SPOPL: variants seen among roughly 807,000 people sequenced by gnomAD.
SPOPL encodes speckle type BTB/POZ protein like, also known as speckle-type POZ protein-like.
A neutral mutation model predicts 53.8 loss-of-function variants in SPOPL; 23 were observed. The ratio of observed to expected loss-of-function variants is 0.43; its 90% CI spans 0.31 to 0.61. SPOPL has a LOEUF of 0.61. SPOPL is among the 20% of genes least tolerant of loss of function. The pLI, the probability that SPOPL is intolerant of heterozygous loss-of-function variation, is 0.12. For synonymous variants in SPOPL, 164 were observed against 149.7 expected (o/e 1.10, Z -0.70); for missense variants, 442 against 466.9 (o/e 0.95, Z 0.49).
intron 8 of SPOPL, 69 bp downstream of exon 8, chr2:138,560,996 A>G (rs1685534146): frequency 2.6e-6 from 4 of 1,541,928 alleles, no homozygotes; most frequent in Non-Finnish European, 3.5e-6. Flanking sequence ...GCTGTCATCA[A>G]ATGAAAACTC....
At chr2:138,552,486 T>C in intron 4 of SPOPL, 68 bp from the exon 5 acceptor site, 11 of 1,509,202 alleles carry the variant, frequency 7.3e-6, no homozygotes, top group Non-Finnish European at 8.9e-6. Context: ...TTTATTTAAC[T>C]GTGTTACCAT....
At chr2:138,507,559 A>G (rs1417118178) in intron 1 of SPOPL, among the ~76,000 whole-genome samples, 1 of 152,250 alleles carries the variant, frequency 6.6e-6, no homozygotes, top group Non-Finnish European at 1.5e-5. Context: ...GTCAAGTTAC[A>G]CAGGTGGAGA....
intron 1 of SPOPL, among the ~76,000 whole-genome samples, chr2:138,510,933 G>A (rs1684311233): frequency 6.6e-6 from 1 of 152,090 alleles, no homozygotes; most frequent in Admixed American, 6.5e-5. Context: ...TTTTTTTGGT[G>A]ACAACACTTA....
intron 1 of SPOPL, among the ~76,000 whole-genome samples, chr2:138,521,517 T>G (rs1684557280): frequency 6.6e-6 from 1 of 152,196 alleles, no homozygotes; most frequent in Non-Finnish European, 1.5e-5. Context: ...GGCGTTATAT[T>G]GTGTACACAG....
chr2:138,561,319 G>T (rs1448136570), intron 8 of SPOPL, among the ~76,000 whole-genome samples: 1 of 151,996 alleles, frequency 6.6e-6, no homozygotes, highest in Non-Finnish European at 1.5e-5. Context: ...TCTCCACATA[G>T]AGATTGTTTT....
intron 1 of SPOPL, among the ~76,000 whole-genome samples, chr2:138,541,020 T>G (rs112506174): frequency 2.6e-5 from 4 of 152,242 alleles, no homozygotes; most frequent in Admixed American, 2.0e-4. Flanking sequence ...TTTTTCATTG[T>G]TTCTGTTTAT....
chr2:138,568,952 A>T lies in SPOPL; in HGVS notation c.1051A>T (p.Met351Leu). ...NWNSNQATDI[M>L]ETSGWKSMIQ... ...ATTTTTCAGCCAAGCAACCGACATA[A>T]TGGAAACATCAGGGTGGAAGTCCAT... is the stretch of plus-strand genomic sequence containing the variant. Residue 351 changes from methionine to leucine, a missense_variant, in exon 11 of 11, where the codon ATG (methionine) becomes TTG (leucine). Physicochemically the swap from Met to Leu is conservative, Grantham distance 15. Coordinates refer to ENST00000280098, the MANE Select transcript of SPOPL (RefSeq NM_001001664.3). 3 of 1,613,794 alleles carry T rather than the reference A, an allele frequency of 1.9e-6. No individual in the cohort carries two copies. Among genetic ancestry groups the T allele is most frequent in the Non-Finnish European group, 2.5e-6 (3 of 1,179,856 alleles).
chr2:138,513,826 A>T lies in SPOPL; in HGVS notation c.-61+11707A>T, dbSNP rs74903878. Among the ~76,000 whole-genome samples, 966 of 152,238 alleles carry T rather than the reference A, an allele frequency of 6.3e-3. 5 individuals carry two copies. The highest frequency in any genetic ancestry group is 0.022 in the African/African-American group (925 of 41,538). ...TATAAACAAATTTTTAATGTAAAAA[A>T]ATTAATTAGCATGAGGGAAGATTCA... On this transcript the variant is annotated intron_variant, in intron 1 of 10. Transcript: ENST00000280098.
intron 1 of SPOPL, among the ~76,000 whole-genome samples, chr2:138,545,681 C>T (rs1288755675): frequency 9.9e-5 from 15 of 152,058 alleles, no homozygotes; most frequent in East Asian, 3.9e-4. Flanking sequence ...CCTCATGATC[C>T]GCCCACCTCG....
At chr2:138,527,377 T>C (rs1308329650) in intron 1 of SPOPL, among the ~76,000 whole-genome samples, 1 of 152,184 alleles carries the variant, frequency 6.6e-6, no homozygotes, top group African/African-American at 2.4e-5. Context: ...TGACCCACAG[T>C]TCCCTCATTT....
intron 1 of SPOPL, among the ~76,000 whole-genome samples, chr2:138,529,529 TGTGTGTTTGC>T (rs1255998367): frequency 7.5e-6 from 1 of 133,718 alleles, no homozygotes; most frequent in South Asian, 2.4e-4. Context: ...TGTGTGTGTG[TGTGTGTTTGC>T]GTGCGCGCGC....
chr2:138,544,635 C>T (rs544316006), intron 1 of SPOPL, among the ~76,000 whole-genome samples: 57 of 152,294 alleles, frequency 3.7e-4, no homozygotes, highest in African/African-American at 1.3e-3. Flanking sequence ...CCTCTGTCAC[C>T]CCTTTCTTTG....
chr2:138,538,000 A>G (rs972501373), intron 1 of SPOPL, among the ~76,000 whole-genome samples: 6 of 152,088 alleles, frequency 3.9e-5, no homozygotes, highest in Admixed American at 3.3e-4. Context: ...CAGTTTTGGT[A>G]GTTCCACATT....
chr2:138,563,015 A>G (rs1466465354), intron 8 of SPOPL, among the ~76,000 whole-genome samples: 1 of 152,160 alleles, frequency 6.6e-6, no homozygotes, highest in Non-Finnish European at 1.5e-5. Flanking sequence ...CTGGGAGAAA[A>G]TATTTGCACA....
At chr2:138,555,289 T>C (rs1685400634) in intron 5 of SPOPL, among the ~76,000 whole-genome samples, 1 of 152,158 alleles carries the variant, frequency 6.6e-6, no homozygotes. Flanking sequence ...CATTGTTGCA[T>C]TGGGTATTAA....
At position 138,549,656 on chromosome 2, in the gene SPOPL, G is replaced by A. The variant is rs1031303517; in HGVS notation, c.-60-501G>A. ...AGACGTGGAGTTTTGTAGAAAGTCT[G>A]TATTTCTTCTTACAGAGTATTCATT... On this transcript the variant is annotated intron_variant, in intron 1 of 10. Coordinates refer to ENST00000280098, the MANE Select transcript of SPOPL (RefSeq NM_001001664.3). Among the ~76,000 whole-genome samples the A allele has an allele frequency of 7.2e-5, 11 of 152,054 alleles. No homozygotes were observed. The East Asian group carries it at 1.2e-3, about 16-fold the overall frequency.
intron 1 of SPOPL, among the ~76,000 whole-genome samples, chr2:138,518,046 C>CA (rs61662616): frequency 0.22 from 14,608 of 67,326 alleles, 1,304 homozygotes; most frequent in African/African-American, 0.32. Context: ...GAAACTGTCT[C>CA]AAAAAAAAAA....
At chr2:138,536,671 G>A (rs4481052) in intron 1 of SPOPL, among the ~76,000 whole-genome samples, 1,653 of 152,170 alleles carry the variant, frequency 0.011, 33 homozygotes, top group African/African-American at 0.037. Context: ...GGGCAAATCA[G>A]CTGTCCTGTA....
intron 1 of SPOPL, among the ~76,000 whole-genome samples, chr2:138,507,408 T>C (rs1422535407): frequency 6.6e-6 from 1 of 152,204 alleles, no homozygotes; most frequent in Non-Finnish European, 1.5e-5. Flanking sequence ...CTAGGGACCA[T>C]GAACGATTAA....
Sources: gnomAD v4.1 joint callset for allele counts (sites outside exome capture counted in the v4.1 genomes callset) on GRCh38, gnomAD v4.1.1 for gene constraint, MANE v1.5 for transcripts, NCBI Gene and HGNC (gene_info 2026-07-23, HGNC 2026-07-21) for gene names.